ALG12: variants seen among roughly 807,000 people sequenced by gnomAD.
ALG12 encodes ALG12 alpha-1,6-mannosyltransferase.
In ALG12, 36 loss-of-function variants were observed where a neutral mutation model predicts 46.0. The ratio of observed to expected loss-of-function variants is 0.78; its 90% CI spans 0.60 to 1.03. The LOEUF is 1.03. Ranked by LOEUF, ALG12 falls within the 50% of genes least tolerant of loss-of-function variation. The pLI is 0.00. For synonymous variants in ALG12, 326 were observed against 291.6 expected (o/e 1.12, Z -1.20); for missense variants, 599 against 633.5 (o/e 0.95, Z 0.58).
chr22:49,873,246 C>A, the ALG12 span, among the ~76,000 whole-genome samples: 1 of 152,220 alleles, frequency 6.6e-6, no homozygotes, highest in African/African-American at 2.4e-5. Context: ...TCATTTCTAT[C>A]TTTTGAAAAT....
the ALG12 span, chr22:49,884,331 A>G: frequency 6.2e-7 from 1 of 1,613,766 alleles, no homozygotes. Context: ...ATCGAATAAC[A>G]GAGGAGTCTG....
the ALG12 span, among the ~76,000 whole-genome samples, chr22:49,881,868 T>C: frequency 6.6e-6 from 1 of 152,182 alleles, no homozygotes; most frequent in Non-Finnish European, 1.5e-5. Context: ...TATCTGGCTG[T>C]ACTTTGTAGA....
At chr22:49,869,313 G>C in the ALG12 span, among the ~76,000 whole-genome samples, 1 of 152,158 alleles carries the variant, frequency 6.6e-6, no homozygotes, top group African/African-American at 2.4e-5. Flanking sequence ...AGAGGCACCC[G>C]TAACAGTGAG....
rs1345690650 is a variant in ALG12 at position 49,902,086 on chromosome 22, TGTGTGCAC to T, written c.*1744_*1751del. 3 of 144,200 alleles carry T rather than the reference TGTGTGCAC, an allele frequency of 2.1e-5. No homozygotes were observed. Among genetic ancestry groups the T allele is most frequent in the African/African-American group, 7.9e-5 (3 of 37,782 alleles). The allele number at this position is 144,200 out of a possible 1,614,324, so 8.9% of individuals were successfully genotyped here. A position where few individuals can be genotyped will look rare whatever the true frequency, so the allele number is the denominator to read the frequency against. ...CACTGTGTGTGGTGTGCATGCATGG[TGTGTGCAC>T]GTGTGCACTGTGTATGCATGGTAAT... is the stretch of plus-strand genomic sequence containing the variant. On this transcript the variant is annotated 3_prime_UTR_variant, in exon 10 of 10. Transcript: ENST00000330817.
At chr22:49,880,621 C>T in the ALG12 span, among the ~76,000 whole-genome samples, 1 of 152,244 alleles carries the variant, frequency 6.6e-6, no homozygotes, top group South Asian at 2.1e-4. Flanking sequence ...TGAGGTCAAC[C>T]TGGTTTCCTT....
the ALG12 span, chr22:49,888,027 C>A: frequency 6.0e-6 from 1 of 167,228 alleles, no homozygotes. Context: ...GTGCACTGAC[C>A]CCCTTGTTTG....
At chr22:49,877,378 G>A in the ALG12 span, among the ~76,000 whole-genome samples, 53 of 152,008 alleles carry the variant, frequency 3.5e-4, no homozygotes, top group Non-Finnish European at 4.3e-4. Context: ...TGCAACCTCC[G>A]CCTCCCAGGC....
the ALG12 span, chr22:49,883,515 T>C: frequency 8.9e-7 from 1 of 1,128,894 alleles, no homozygotes; most frequent in Non-Finnish European, 1.2e-6. Flanking sequence ...TTTTCAGTAC[T>C]ATTTATGATT....
At chr22:49,910,166 T>C in intron 4 of ALG12, 78 bp from the exon 5 acceptor site, 1 of 1,442,898 alleles carries the variant, frequency 6.9e-7, no homozygotes, top group Non-Finnish European at 9.4e-7. Flanking sequence ...AAGTGAAGGG[T>C]GATTCCTTTT....
the ALG12 span, among the ~76,000 whole-genome samples, chr22:49,874,978 CG>C: frequency 4.6e-5 from 7 of 152,098 alleles, no homozygotes; most frequent in Non-Finnish European, 8.8e-5. Context: ...CCACTGCACC[CG>C]GCCTGTTTTA....
intron 6 of ALG12, among the ~76,000 whole-genome samples, 199 bp from the exon 7 acceptor site, chr22:49,908,143 C>A (rs549074324): frequency 2.0e-4 from 30 of 152,232 alleles, no homozygotes; most frequent in Non-Finnish European, 4.4e-4. Flanking sequence ...CGGGTGCACA[C>A]ATACCACTTG....
the ALG12 span, chr22:49,885,187 G>T: frequency 6.2e-7 from 1 of 1,614,104 alleles, no homozygotes; most frequent in East Asian, 2.2e-5. Context: ...TCCAGAAGTT[G>T]TCGGGAGCCA....
In ALG12 at chr22:49,902,411, T is replaced by A. The variant is rs1214669523; in HGVS notation, c.*1427A>T. 5.3e-5 allele frequency: 4 copies of A among 75,450 alleles called. 1 individual carries two copies. Among genetic ancestry groups the A allele is most frequent in the Non-Finnish European group, 9.0e-5 (4 of 44,626 alleles). 4.7% of individuals were successfully genotyped at this position (75,450 alleles called of 1,614,324 possible). A position where few individuals can be genotyped will look rare whatever the true frequency, so the allele number is the denominator to read the frequency against. ...GGTGTGTATGCATGGTGTGTGCACA[T>A]GTGCACTGTGTATGCATGGTGTGTG... On this transcript the variant is annotated 3_prime_UTR_variant, in exon 10 of 10. Coordinates refer to ENST00000330817, the MANE Select transcript of ALG12 (RefSeq NM_024105.4).
intron 1 of ALG12, among the ~76,000 whole-genome samples, chr22:49,916,566 C>T (rs2060610315): frequency 6.6e-6 from 1 of 152,108 alleles, no homozygotes; most frequent in Admixed American, 6.6e-5. Context: ...GACAACAGAG[C>T]CAGACTCCGT....
chr22:49,913,644 G>T lies in ALG12; in HGVS notation c.122C>A (p.Ala41Asp). Residue 41 changes from alanine to aspartate, a missense_variant, in exon 2 of 10, where the codon GCC becomes GAC. Physicochemically the swap from Ala to Asp is moderately radical, Grantham distance 126. Coordinates refer to ENST00000330817, the MANE Select transcript of ALG12 (RefSeq NM_024105.4). ...CCAGTGGTAGAGCAGGTCATGTGTG[G>T]CCTGCAGGTTGAAGCTCTCCTCCAC... ...TKVEESFNLQ[A>D]THDLLYHWQD... is the part of the protein sequence containing the mutation. The T allele has an allele frequency of 6.2e-7, 1 of 1,614,138 alleles. No homozygotes were observed. The highest frequency in any genetic ancestry group is 8.5e-7 in the Non-Finnish European group (1 of 1,180,034).
At position 49,903,414 on chromosome 22, in the gene ALG12, C is replaced by G; in HGVS notation, c.*424G>C. 2.2e-6 allele frequency: 1 copy of G among 460,126 alleles called. No homozygotes were observed. Among genetic ancestry groups the G allele is most frequent in the Non-Finnish European group, 4.4e-6 (1 of 229,794 alleles). The allele number at this position is 460,126 out of a possible 1,614,324, so 28.5% of individuals were successfully genotyped here. A position where few individuals can be genotyped will look rare whatever the true frequency, so the allele number is the denominator to read the frequency against. Reference sequence around the variant, plus strand: ...GAGAGGGGGTGCTGTCTTAGGTGCCCCAAGAGGCCCTCGGGCAGCAAGCGT... The same window carrying G: ...GAGAGGGGGTGCTGTCTTAGGTGCCGCAAGAGGCCCTCGGGCAGCAAGCGT... On this transcript the variant is annotated 3_prime_UTR_variant, in exon 10 of 10. Transcript: ENST00000330817.
the ALG12 span, among the ~76,000 whole-genome samples, chr22:49,865,599 C>T: frequency 1.1e-3 from 161 of 152,180 alleles, 1 homozygote; most frequent in African/African-American, 3.7e-3. Context: ...GGCTTAAACC[C>T]GGGAGGCAGA....
the ALG12 span, among the ~76,000 whole-genome samples, chr22:49,882,823 C>T: frequency 6.6e-6 from 1 of 152,248 alleles, no homozygotes. Flanking sequence ...CACAGGACGC[C>T]TTTCCCTTCT....
At chr22:49,859,678 T>C in the ALG12 span, among the ~76,000 whole-genome samples, 1 of 152,234 alleles carries the variant, frequency 6.6e-6, no homozygotes. Context: ...TTTAAAACAT[T>C]GTGAGTTCAG....
Sources: allele counts gnomAD v4.1 joint callset (sites outside exome capture counted in the v4.1 genomes callset), GRCh38; gene constraint gnomAD v4.1.1; transcripts MANE v1.5; gene names NCBI Gene and HGNC (gene_info 2026-07-23, HGNC 2026-07-21).